The following QPCT variants were observed in gnomAD, a reference collection of about 807,000 sequenced individuals.
The protein encoded by QPCT is EC.
A neutral mutation model predicts 43.4 loss-of-function variants in QPCT; 44 were observed. The ratio of observed to expected loss-of-function variants is 1.01; its 90% CI spans 0.80 to 1.30. The LOEUF is 1.30. Ranked by LOEUF, QPCT falls within the 50% of genes most tolerant of loss-of-function variation. The pLI is 0.00. For missense variants in QPCT, 526 were observed against 436.5 expected (o/e 1.21, Z -1.83); for synonymous variants, 168 against 168.4 (o/e 1.00, Z 0.02).
At chr2:37,355,581 AAG>A (rs532515102) in intron 2 of QPCT, among the ~76,000 whole-genome samples, 93 of 152,268 alleles carry the variant, frequency 6.1e-4, no homozygotes, top group African/African-American at 2.1e-3. Context: ...CTTTTACAGA[AAG>A]AGAATATTTT....
chr2:37,360,253 C>T (rs77067909), intron 3 of QPCT, among the ~76,000 whole-genome samples: 26 of 152,220 alleles, frequency 1.7e-4, no homozygotes, highest in African/African-American at 6.0e-4. Flanking sequence ...GATGGTGGCT[C>T]TTGGGTTGGA....
intron 2 of QPCT, among the ~76,000 whole-genome samples, chr2:37,357,614 A>C (rs1057428321): frequency 2.7e-4 from 41 of 152,202 alleles, no homozygotes; most frequent in Non-Finnish European, 4.4e-4. Context: ...TTGCAATAGA[A>C]AAGTTAAGGT....
At chr2:37,360,633 G>A (rs1023230617) in intron 3 of QPCT, among the ~76,000 whole-genome samples, 14 of 152,198 alleles carry the variant, frequency 9.2e-5, no homozygotes, top group Admixed American at 2.6e-4. Flanking sequence ...TTGATACAGT[G>A]GGGGTAAAGA....
intron 3 of QPCT, among the ~76,000 whole-genome samples, chr2:37,363,769 T>A (rs1223115550): frequency 1.3e-5 from 2 of 151,728 alleles, no homozygotes; most frequent in African/African-American, 4.8e-5. Flanking sequence ...CTAATATTCT[T>A]ACAGAGATAA....
At position 37,360,391 on chromosome 2, in the gene QPCT, T is replaced by C. The variant is rs563718212; in HGVS notation, c.546+533T>C. Among the ~76,000 whole-genome samples, 4 of 152,332 alleles carry C rather than the reference T, an allele frequency of 2.6e-5. No individual in the cohort carries two copies. In the South Asian group the frequency reaches 8.3e-4, roughly 32 times the overall value. ...AATCTCAGCTCCATTTTATGTAGCA[T>C]AGCAGAGCTTTTGTTATGCTCTCAG... On this transcript the variant is annotated intron_variant, in intron 3 of 6. Coordinates refer to ENST00000338415, the MANE Select transcript of QPCT (RefSeq NM_012413.4).
At chr2:37,344,881 T>C in intron 1 of QPCT, 30 bp downstream of exon 1, 1 of 1,552,572 alleles carries the variant, frequency 6.4e-7, no homozygotes, top group Non-Finnish European at 8.7e-7. Context: ...TAGTTGTACT[T>C]GAGCGGCTCT....
intron 1 of QPCT, among the ~76,000 whole-genome samples, chr2:37,347,897 C>A (rs113286936): frequency 1.0e-3 from 153 of 152,220 alleles, no homozygotes; most frequent in African/African-American, 3.6e-3. Context: ...CTATTGAAGT[C>A]TTCTAATTAT....
Position 37,352,903 on chromosome 2 carries a change from C to G in QPCT, c.235C>G (p.Pro79Ala), listed in dbSNP as rs768258721. 1 of 1,613,956 alleles carries G rather than the reference C, an allele frequency of 6.2e-7. No individual in the cohort carries two copies. Among genetic ancestry groups the G allele is most frequent in the South Asian group, 1.1e-5 (1 of 91,070 alleles). The change falls in exon 2 of 7, where the codon CCG (proline) becomes GCG (alanine). Residue 79 changes from proline (P) to alanine (A), a missense_variant. Transcript: ENST00000338415. ...DLQPLLIERY[P>A]GSPGSYAARQ... The stretch of plus-strand genomic sequence containing the variant: ...ACAGCCATTGCTGATAGAGCGATAC[C>G]CGGGATCCCCTGGAAGCTATGCTGC...
intron 3 of QPCT, among the ~76,000 whole-genome samples, chr2:37,366,373 T>G (rs1045285062): frequency 6.6e-6 from 1 of 152,230 alleles, no homozygotes; most frequent in African/African-American, 2.4e-5. Context: ...TAGAGGACTT[T>G]AATGTTACAT....
intron 1 of QPCT, among the ~76,000 whole-genome samples, chr2:37,351,306 A>G (rs563008018): frequency 6.6e-6 from 1 of 152,292 alleles, no homozygotes; most frequent in African/African-American, 2.4e-5. Context: ...AAGTCATCTG[A>G]TCAATTGTTC....
In QPCT at chr2:37,348,061, C is replaced by CGT. The variant is rs1491169129; in HGVS notation, c.120+3211_120+3212insTG. Among the ~76,000 whole-genome samples the CGT allele has an allele frequency of 7.4e-4, 82 of 111,114 alleles. 1 individual carries two copies. The highest frequency in any genetic ancestry group is 6.2e-3 in the South Asian group (18 of 2,884). The allele number at this position is 111,114 out of a possible 152,430, so 72.9% of individuals were successfully genotyped here. A position where few individuals can be genotyped will look rare whatever the true frequency, so the allele number is the denominator to read the frequency against. On this transcript the variant is annotated intron_variant, in intron 1 of 6. Transcript: ENST00000338415. ...CTATCTCTCTCTCTCTGCGCGCGCACGCGTGTGTGTGTGTGTGTGTGTGTG... is the reference window on the plus strand; with the variant it reads ...CTATCTCTCTCTCTCTGCGCGCGCACGTGCGTGTGTGTGTGTGTGTGTGTGTG...
At chr2:37,352,669 C>T in intron 1 of QPCT, 120 bp from the exon 2 acceptor site, 1 of 1,261,616 alleles carries the variant, frequency 7.9e-7, no homozygotes, top group Non-Finnish European at 1.1e-6. Context: ...GTTTAATTTA[C>T]CTCATTTGAC....
chr2:37,354,985 T>A lies in QPCT; in HGVS notation c.267+2050T>A, dbSNP rs1672710420. 2.6e-5 allele frequency among the ~76,000 whole-genome samples: 4 copies of A among 152,236 alleles called. No homozygotes were observed. The South Asian group carries it at 8.3e-4, about 32-fold the overall frequency. Reference sequence around the variant, plus strand: ...CTTCAACAGAATACAGTATATAGGATAAATAATATACATAGATATTGTTGT... The same window carrying A: ...CTTCAACAGAATACAGTATATAGGAAAAATAATATACATAGATATTGTTGT... On this transcript the variant is annotated intron_variant, in intron 2 of 6. Coordinates refer to ENST00000338415, the MANE Select transcript of QPCT (RefSeq NM_012413.4).
At position 37,369,678 on chromosome 2, in the gene QPCT, C is replaced by G. The variant is rs966794177; in HGVS notation, c.724-7C>G. On this transcript the variant is annotated splice_region_variant and splice_polypyrimidine_tract_variant and intron_variant, in intron 4 of 6. Transcript: ENST00000338415. Reference sequence around the variant, plus strand: ...ATGGTGATTAAACATTACTTTTTCTCCCTCAGGATTTATTGGTCTTATTGG... The same window carrying G: ...ATGGTGATTAAACATTACTTTTTCTGCCTCAGGATTTATTGGTCTTATTGG... 3 of 1,563,924 alleles carry G rather than the reference C, an allele frequency of 1.9e-6. No homozygotes were observed. The African/African-American group carries it at 4.1e-5, about 21-fold the overall frequency.
At chr2:37,364,017 T>C (rs115850638) in intron 3 of QPCT, among the ~76,000 whole-genome samples, 27 of 152,286 alleles carry the variant, frequency 1.8e-4, no homozygotes, top group African/African-American at 6.3e-4. Flanking sequence ...TAAAAAGTAT[T>C]GGGAATGAGA....
chr2:37,356,254 T>TG (rs1192947497), intron 2 of QPCT, among the ~76,000 whole-genome samples: 2 of 152,146 alleles, frequency 1.3e-5, no homozygotes, highest in Admixed American at 6.5e-5. Flanking sequence ...CGTGCTCATG[T>TG]CTTCATCTTT....
At chr2:37,355,067 C>T (rs1008615336) in intron 2 of QPCT, among the ~76,000 whole-genome samples, 1 of 152,106 alleles carries the variant, frequency 6.6e-6, no homozygotes, top group Non-Finnish European at 1.5e-5. Context: ...TAACATTCTC[C>T]ACTATCATAT....
Position 37,359,619 on chromosome 2 carries a change from G to C in QPCT, c.307G>C (p.Val103Leu), listed in dbSNP as rs1672822234. 3.1e-6 allele frequency: 5 copies of C among 1,614,092 alleles called. No homozygotes were observed. The highest frequency in any genetic ancestry group is 4.2e-6 in the Non-Finnish European group (5 of 1,180,020). Reference protein sequence around the residue: ...QRIQRLQADWVLEIDTFLSQT... With the variant: ...QRIQRLQADWLLEIDTFLSQT... ...AATTCAGAGGCTTCAGGCTGACTGG[G>C]TCTTGGAAATAGACACCTTCTTGAG... The change falls in exon 3 of 7, where the codon GTC becomes CTC. Residue 103 changes from valine (V) to leucine (L), a missense_variant. Transcript: ENST00000338415.
intron 3 of QPCT, among the ~76,000 whole-genome samples, chr2:37,363,752 C>T (rs917973408): frequency 3.4e-5 from 5 of 148,734 alleles, no homozygotes; most frequent in Non-Finnish European, 7.4e-5. Context: ...ACTTAAAGGA[C>T]ACTGTTCTAA....
Sources: gnomAD v4.1 joint callset for allele counts (sites outside exome capture counted in the v4.1 genomes callset) on GRCh38, gnomAD v4.1.1 for gene constraint, MANE v1.5 for transcripts, NCBI Gene and HGNC (gene_info 2026-07-23, HGNC 2026-07-21) for gene names.